The following APBB2 variants were observed in gnomAD, a reference collection of about 807,000 sequenced individuals.
APBB2 encodes amyloid beta precursor protein binding family B member 2.
A neutral mutation model predicts 82.5 loss-of-function variants in APBB2; 38 were observed. The observed-to-expected ratio is 0.46, with a 90% CI of 0.36 to 0.60. The LOEUF is 0.60. Among genes scored for constraint, APBB2 ranks in the 20% least tolerant of loss-of-function variants. The probability of loss-of-function intolerance (pLI) is 0.00; values close to 1 mark genes in which losing one functional copy is unlikely to be tolerated. For synonymous variants in APBB2, 341 were observed against 368.2 expected, an observed-to-expected ratio of 0.93 and a Z score of 0.85; for missense variants, 772 against 972.3, an observed-to-expected ratio of 0.79 and a Z score of 2.74.
chr4:41,199,881 C>T (rs565010408), intron 1 of APBB2, among the ~76,000 whole-genome samples: 2 of 152,148 alleles, frequency 1.3e-5, no homozygotes, highest in Non-Finnish European at 2.9e-5. Context: ...AATACATTCA[C>T]CATGCACTGG....
intron 2 of APBB2, among the ~76,000 whole-genome samples, chr4:41,107,499 A>G (rs946809180): frequency 6.6e-6 from 1 of 152,222 alleles, no homozygotes; most frequent in Non-Finnish European, 1.5e-5. Context: ...GATTCAGTCA[A>G]CAATCATTAA....
intron 12 of APBB2, among the ~76,000 whole-genome samples, chr4:40,862,006 C>T (rs1443794386): frequency 6.6e-6 from 1 of 152,140 alleles, no homozygotes; most frequent in African/African-American, 2.4e-5. Context: ...CAAACCTAAC[C>T]ACTCATCTTT....
chr4:40,881,421 GA>G (rs1007021848), intron 12 of APBB2: 4 of 972,866 alleles, frequency 4.1e-6, no homozygotes, highest in Non-Finnish European at 4.9e-6. Context: ...CACTCCTAGG[GA>G]AAAAAAACAA....
intron 5 of APBB2, among the ~76,000 whole-genome samples, chr4:41,019,999 G>C (rs113937927): frequency 1.6e-4 from 24 of 152,186 alleles, no homozygotes; most frequent in South Asian, 6.2e-4. Flanking sequence ...AAGAGACAGA[G>C]AGACAGAAAG....
Position 40,864,682 on chromosome 4 carries a change from C to T in APBB2, c.1529+25682G>A, listed in dbSNP as rs1271585226. 4.6e-5 allele frequency among the ~76,000 whole-genome samples: 7 copies of T among 152,184 alleles called. No homozygotes were observed. The East Asian group carries it at 7.7e-4, about 17-fold the overall frequency. On this transcript the variant is annotated intron_variant, in intron 12 of 17. Coordinates refer to ENST00000508593, the MANE Select transcript of APBB2 (RefSeq NM_004307.2). ...AAACCTCCCACTACTCCAAAGACTG[C>T]GGGCCATTCCCTGGCCTTCACTGTA...
At chr4:41,192,091 C>T (rs1349767169) in intron 1 of APBB2, among the ~76,000 whole-genome samples, 1 of 152,104 alleles carries the variant, frequency 6.6e-6, no homozygotes, top group South Asian at 2.1e-4. Context: ...TATGAGGTAC[C>T]ACCTCACACC....
At chr4:41,209,486 T>G (rs1017100294) in intron 1 of APBB2, among the ~76,000 whole-genome samples, 1 of 152,228 alleles carries the variant, frequency 6.6e-6, no homozygotes, top group African/African-American at 2.4e-5. Context: ...GAAAGTCGTA[T>G]TCCAGAGACC....
chr4:40,923,022 C>T (rs56108596), intron 10 of APBB2, among the ~76,000 whole-genome samples: 7 of 149,462 alleles, frequency 4.7e-5, no homozygotes, highest in Admixed American at 3.3e-4. Flanking sequence ...TAGCCCAGGC[C>T]GGATTGCAGT....
At chr4:41,113,287 G>A (rs1164398738) in intron 2 of APBB2, among the ~76,000 whole-genome samples, 1 of 152,126 alleles carries the variant, frequency 6.6e-6, no homozygotes, top group Non-Finnish European at 1.5e-5. Flanking sequence ...GTTAGATAGG[G>A]ATATCTGAGT....
At chr4:40,895,918 T>C (rs1446342215) in intron 10 of APBB2, among the ~76,000 whole-genome samples, 1 of 152,220 alleles carries the variant, frequency 6.6e-6, no homozygotes, top group African/African-American at 2.4e-5. Context: ...GAGTGGTAGA[T>C]CCAGGATTCA....
At chr4:41,037,565 A>C (rs2154445428) in intron 4 of APBB2, among the ~76,000 whole-genome samples, 1 of 152,350 alleles carries the variant, frequency 6.6e-6, no homozygotes, top group South Asian at 2.1e-4. Context: ...GGTAGTCCTA[A>C]GGACTGCAAG....
chr4:41,044,200 G>A (rs1722551549), intron 4 of APBB2, among the ~76,000 whole-genome samples: 2 of 152,064 alleles, frequency 1.3e-5, no homozygotes, highest in Admixed American at 6.5e-5. Context: ...GTTTTCCAGT[G>A]GTACAGTTCA....
intron 1 of APBB2, among the ~76,000 whole-genome samples, chr4:41,153,832 T>C (rs1003894040): frequency 1.3e-5 from 2 of 152,188 alleles, no homozygotes; most frequent in African/African-American, 2.4e-5. Flanking sequence ...TAAATTAATA[T>C]TAATTTGAAT....
chr4:41,060,620 G>A (rs1729470427), intron 4 of APBB2, among the ~76,000 whole-genome samples: 1 of 152,104 alleles, frequency 6.6e-6, no homozygotes, highest in South Asian at 2.1e-4. Context: ...ATATACATGT[G>A]CCAAAATATA....
At chr4:41,162,791 T>A (rs1279682119) in intron 1 of APBB2, among the ~76,000 whole-genome samples, 4 of 152,130 alleles carry the variant, frequency 2.6e-5, no homozygotes, top group Non-Finnish European at 5.9e-5. Flanking sequence ...CCCAGGAGTT[T>A]GAGGCTACAA....
chr4:41,132,876 A>C (rs1283105734), intron 2 of APBB2, among the ~76,000 whole-genome samples: 4 of 152,218 alleles, frequency 2.6e-5, no homozygotes, highest in Non-Finnish European at 5.9e-5. Context: ...AATACATTAA[A>C]ACTAAAGCAA....
At chr4:40,960,836 T>C (rs140727699) in intron 6 of APBB2, among the ~76,000 whole-genome samples, 69 of 152,224 alleles carry the variant, frequency 4.5e-4, no homozygotes, top group African/African-American at 1.6e-3. Context: ...GTTGGAAACA[T>C]GGCCACCCGA....
chr4:40,841,059 TCA>T (rs770617358), intron 12 of APBB2, among the ~76,000 whole-genome samples: 1 of 152,138 alleles, frequency 6.6e-6, no homozygotes, highest in African/African-American at 2.4e-5. Context: ...ATTCTCCTAA[TCA>T]CACTCTCTGG....
At position 40,832,829 on chromosome 4, in the gene APBB2, G is replaced by A. The variant is rs939026859; in HGVS notation, c.1530-2252C>T. Among the ~76,000 whole-genome samples, 14 of 152,194 alleles carry A rather than the reference G, an allele frequency of 9.2e-5. No homozygotes were observed. The highest frequency in any genetic ancestry group is 1.8e-4 in the Non-Finnish European group (12 of 68,030). The stretch of plus-strand genomic sequence containing the variant: ...CATCCCAGCGTCTAGTTCAGGCCTG[G>A]CGTATCACCGGTACTAATACATGTT... On this transcript the variant is annotated intron_variant, in intron 12 of 17. Coordinates refer to ENST00000508593, the MANE Select transcript of APBB2 (RefSeq NM_004307.2). The surrounding 1 kb of genome is among the most constrained non-coding windows in gnomAD (Gnocchi z 4.8).
Sources: allele counts gnomAD v4.1 joint callset (sites outside exome capture counted in the v4.1 genomes callset), GRCh38; gene constraint gnomAD v4.1.1; non-coding constraint Gnocchi (gnomAD v3.1); transcripts MANE v1.5; gene names NCBI Gene and HGNC (gene_info 2026-07-23, HGNC 2026-07-21).